Variants in ACSS2 observed in about 807,000 individuals in gnomAD.
ACSS2 encodes acyl-CoA synthetase short chain family member 2.
A neutral mutation model predicts 90.6 loss-of-function variants in ACSS2; 58 were observed. The ratio of observed to expected loss-of-function variants is 0.64; its 90% CI spans 0.52 to 0.80. The LOEUF is 0.80. Among genes scored for constraint, ACSS2 ranks in the 30% least tolerant of loss-of-function variants. ACSS2 has a pLI of 0.00. For missense variants in ACSS2, 759 were observed against 912.0 expected (o/e 0.83, Z 2.16); for synonymous variants, 300 against 330.9 (o/e 0.91, Z 1.01).
chr20:34,893,343 A>C (rs1184450320), intron 2 of ACSS2, among the ~76,000 whole-genome samples: 1 of 152,078 alleles, frequency 6.6e-6, no homozygotes, highest in Non-Finnish European at 1.5e-5. Flanking sequence ...CTAGGAGCAC[A>C]GTCATGCACC....
At chr20:34,897,839 G>C (rs2080503550) in intron 2 of ACSS2, among the ~76,000 whole-genome samples, 1 of 151,050 alleles carries the variant, frequency 6.6e-6, no homozygotes, top group African/African-American at 2.5e-5. Flanking sequence ...AAAAAAAAAA[G>C]TTCATCCATG....
upstream of ACSS2, chr20:34,875,740 G>GCAC (rs1202568899): frequency 1.3e-5 from 2 of 153,130 alleles, no homozygotes; most frequent in East Asian, 3.8e-4. Context: ...CTCTGACTGT[G>GCAC]CACCAGTTCC....
At chr20:34,921,622 G>A (rs1191620129) in intron 12 of ACSS2, 22 bp downstream of exon 12, 2 of 1,614,066 alleles carry the variant, frequency 1.2e-6, no homozygotes, top group East Asian at 4.5e-5. Context: ...TTCCCTGGCT[G>A]GTCTTGGGCT....
At chr20:34,876,611 C>T (rs757129075), upstream of ACSS2, 36 of 1,298,936 alleles carry the variant, frequency 2.8e-5, 1 homozygote, top group African/African-American at 3.1e-5. Flanking sequence ...CCGCCGCGAC[C>T]GCAAAGGCGG....
At chr20:34,923,113 G>A in intron 13 of ACSS2, 1 of 510,948 alleles carries the variant, frequency 2.0e-6, no homozygotes, top group South Asian at 3.1e-5. Flanking sequence ...CTGATTTACA[G>A]ATGAGGATCC....
chr20:34,924,993 T>G (rs1305189631), intron 14 of ACSS2, among the ~76,000 whole-genome samples: 1 of 152,188 alleles, frequency 6.6e-6, no homozygotes, highest in Non-Finnish European at 1.5e-5. Context: ...CCTGGCCACC[T>G]TTTGGGGTTT....
At chr20:34,900,026 G>A (rs142873855) in intron 2 of ACSS2, among the ~76,000 whole-genome samples, 18 of 152,186 alleles carry the variant, frequency 1.2e-4, no homozygotes, top group East Asian at 1.2e-3. Flanking sequence ...TTATATTCCC[G>A]GCAATGTATG....
In ACSS2 at chr20:34,898,425, A is replaced by T. The variant is rs140702999; in HGVS notation, c.375-14671A>T. Among the ~76,000 whole-genome samples the T allele has an allele frequency of 1.4e-3, 215 of 152,272 alleles. 1 individual carries two copies. Among genetic ancestry groups the T allele is most frequent in the African/African-American group, 5.0e-3 (206 of 41,566 alleles). On this transcript the variant is annotated intron_variant, in intron 2 of 17. Coordinates refer to ENST00000360596, the MANE Select transcript of ACSS2 (RefSeq NM_018677.4). The stretch of plus-strand genomic sequence containing the variant: ...AGAGTGCCAACACAAAGGTTCTCCA[A>T]GTCCCCACCAGAGTAGCTAGATACA...
chr20:34,899,423 T>TTCCTTCCTTCC (rs2080578711), intron 2 of ACSS2, among the ~76,000 whole-genome samples: 32 of 113,074 alleles, frequency 2.8e-4, no homozygotes, highest in East Asian at 1.2e-3. Context: ...TCTTTCTTTC[T>TTCCTTCCTTCC]TTCCTTCCTT....
intron 7 of ACSS2, among the ~76,000 whole-genome samples, chr20:34,917,911 C>T (rs1289938780): frequency 6.6e-6 from 1 of 152,134 alleles, no homozygotes; most frequent in Non-Finnish European, 1.5e-5. Flanking sequence ...TACCACCACG[C>T]CTGGCTACTT....
chr20:34,879,530 C>CT (rs2080018502), intron 1 of ACSS2, among the ~76,000 whole-genome samples: 1 of 77,190 alleles, frequency 1.3e-5, no homozygotes, highest in Admixed American at 8.9e-5. Context: ...CACACACACC[C>CT]CTACCCCCCC....
chr20:34,922,527 C>T (rs1052302674), intron 13 of ACSS2, among the ~76,000 whole-genome samples: 4 of 152,164 alleles, frequency 2.6e-5, no homozygotes, highest in Admixed American at 2.0e-4. Flanking sequence ...TCACTTGAAC[C>T]GGGGAGGTGG....
At chr20:34,880,661 G>A (rs188911784) in intron 1 of ACSS2, among the ~76,000 whole-genome samples, 23 of 152,112 alleles carry the variant, frequency 1.5e-4, no homozygotes, top group African/African-American at 2.4e-5. Flanking sequence ...TTGTGTAAGA[G>A]TATCTGTTTT....
chr20:34,913,815 C>T lies in ACSS2; in HGVS notation c.633C>T (p.Leu211=). The T allele has an allele frequency of 1.2e-6, 2 of 1,614,082 alleles. No homozygotes were observed. Among genetic ancestry groups the T allele is most frequent in the Non-Finnish European group, 1.7e-6 (2 of 1,179,958 alleles). ...ERILDSSCSL[L]ITTDAFYRGE... ...TCTTGGATTCCAGCTGCAGTCTTCT[C>T]ATCACTACAGGTGACTAATTCTCTC... Residue 211 remains leucine, a synonymous_variant, in exon 5 of 18, where the codon CTC becomes CTT. Coordinates refer to ENST00000360596, the MANE Select transcript of ACSS2 (RefSeq NM_018677.4).
intron 1 of ACSS2, among the ~76,000 whole-genome samples, chr20:34,878,803 A>G (rs531610268): frequency 1.3e-5 from 2 of 151,938 alleles, no homozygotes; most frequent in African/African-American, 4.8e-5. Flanking sequence ...ACACCATTAG[A>G]TTGATATTAT....
chr20:34,926,865 T>C lies in ACSS2; in HGVS notation c.1904-12T>C. On this transcript the variant is annotated splice_polypyrimidine_tract_variant and intron_variant, in intron 16 of 17. Transcript: ENST00000360596. Reference sequence around the variant, plus strand: ...GGTGCTGAAGAAATGCTTGATGATTTGTTGGTTACAGTTAGAGAAAAGATT... The same window carrying C: ...GGTGCTGAAGAAATGCTTGATGATTCGTTGGTTACAGTTAGAGAAAAGATT... 1 of 1,614,040 alleles carries C rather than the reference T, an allele frequency of 6.2e-7. No homozygotes were observed. The highest frequency in any genetic ancestry group is 8.5e-7 in the Non-Finnish European group (1 of 1,179,950).
At chr20:34,914,887 T>C (rs116621551) in intron 7 of ACSS2, among the ~76,000 whole-genome samples, 326 of 152,222 alleles carry the variant, frequency 2.1e-3, no homozygotes, top group African/African-American at 7.6e-3. Context: ...CCCCCAGGCT[T>C]CTGGTGGGAA....
chr20:34,882,406 G>A (rs187898981), intron 1 of ACSS2, among the ~76,000 whole-genome samples: 7 of 152,168 alleles, frequency 4.6e-5, no homozygotes, highest in African/African-American at 1.4e-4. Flanking sequence ...GGCGGATCAC[G>A]AGGTCAGGAG....
chr20:34,914,444 C>A lies in ACSS2; in HGVS notation c.834+7C>A. On this transcript the variant is annotated splice_region_variant and intron_variant, in intron 7 of 17. Coordinates refer to ENST00000360596, the MANE Select transcript of ACSS2 (RefSeq NM_018677.4). ...GTCATGCCCAGATGTGCAGGTGAGT[C>A]TGGCACTGCTATGCCTTTCTCCAGG... is the stretch of plus-strand genomic sequence containing the variant. 2 of 1,599,718 alleles carry A rather than the reference C, an allele frequency of 1.3e-6. No homozygotes were observed. Among genetic ancestry groups the A allele is most frequent in the South Asian group, 2.3e-5 (2 of 88,642 alleles).
Sources: gnomAD v4.1 joint callset for allele counts (sites outside exome capture counted in the v4.1 genomes callset) on GRCh38, gnomAD v4.1.1 for gene constraint, MANE v1.5 for transcripts, NCBI Gene and HGNC (gene_info 2026-07-23, HGNC 2026-07-21) for gene names.